The following KRT24 variants were observed in gnomAD, a reference collection of about 807,000 sequenced individuals.
KRT24 encodes keratin, type I cytoskeletal 24.
KRT24 carries 44 observed loss-of-function variants against 51.7 expected under a neutral mutation model. That is an observed-to-expected ratio of 0.85 (90% CI 0.67 to 1.09). The LOEUF is 1.09. Ranked by LOEUF, KRT24 falls within the 50% of genes least tolerant of loss-of-function variation. The pLI, the probability that KRT24 is intolerant of heterozygous loss-of-function variation, is 0.00. For missense variants in KRT24, 633 were observed against 647.0 expected (o/e 0.98, Z 0.24); for synonymous variants, 241 against 249.5 (o/e 0.97, Z 0.32).
intron 3 of KRT24, among the ~76,000 whole-genome samples, chr17:40,700,823 G>A (rs1386939304): frequency 1.3e-5 from 2 of 152,064 alleles, no homozygotes; most frequent in Admixed American, 6.6e-5. Flanking sequence ...GGCTGGTCTC[G>A]AAATCCTGAT....
intron 3 of KRT24, 104 bp from the exon 4 acceptor site, chr17:40,700,487 A>G: frequency 1.2e-6 from 1 of 806,942 alleles, no homozygotes; most frequent in Non-Finnish European, 2.0e-6. Context: ...CTGAAAGGAA[A>G]AAAAAAAAAT....
Position 40,698,643 on chromosome 17 carries a change from T to A in KRT24, c.1369A>T (p.Ser457Cys). The A allele has an allele frequency of 6.5e-7, 1 of 1,526,796 alleles. No individual in the cohort carries two copies. The highest frequency in any genetic ancestry group is 9.1e-7 in the Non-Finnish European group (1 of 1,102,056). The allele number at this position is 1,526,796 out of a possible 1,614,324, so 94.6% of individuals were successfully genotyped here. A position where few individuals can be genotyped will look rare whatever the true frequency, so the allele number is the denominator to read the frequency against. Residue 457 changes from serine to cysteine, a missense_variant, in exon 7 of 8, where the codon AGT (serine) becomes TGT (cysteine). Physicochemically the swap from Ser to Cys is moderately radical, Grantham distance 112. Transcript: ENST00000264651. ...RLLDGEGGGS[S>C]FAEFGGRNSG... The stretch of plus-strand genomic sequence containing the variant: ...TTTCTACCACCAAATTCTGCAAAAC[T>A]AGAACCACTGGAGAAAAAAAGAATT...
rs1470005442 is a variant in KRT24, at chr17:40,700,271, T to A, written c.968A>T (p.Glu323Val). 6.2e-7 allele frequency: 1 copy of A among 1,614,134 alleles called. No individual in the cohort carries two copies. Among genetic ancestry groups the A allele is most frequent in the East Asian group, 2.2e-5 (1 of 44,886 alleles). ...LLNDMRAQYEELAEQNRREAE... is the reference protein window; with the variant it reads ...LLNDMRAQYEVLAEQNRREAE... ...CTCTCGGCGGTTTTGCTCAGCCAGC[T>A]CCTCGTACTGCGCCCTCATGTCATT... The change falls in exon 4 of 8, where the codon GAG (glutamate) becomes GTG (valine). Residue 323 changes from glutamate to valine, a missense_variant. By Grantham distance (121) the Glu-to-Val change is moderately radical (BLOSUM62 -2). Coordinates refer to ENST00000264651, the MANE Select transcript of KRT24 (RefSeq NM_019016.3).
chr17:40,701,228 T>C lies in KRT24; in HGVS notation c.767A>G (p.Asp256Gly), dbSNP rs2037673413. The change falls in exon 3 of 8, where the codon GAT becomes GGT. Residue 256 changes from aspartate (D) to glycine (G), a missense_variant. Coordinates refer to ENST00000264651, the MANE Select transcript of KRT24 (RefSeq NM_019016.3). ...GTCAGAGCGGGTCATAGTCAGGTCA[T>C]CCAGGACTTTCCGCAGGCCATTGAT... ...ADINGLRKVL[D>G]DLTMTRSDLE... 42 of 1,614,068 alleles carry C rather than the reference T, an allele frequency of 2.6e-5. No homozygotes were observed. The highest frequency in any genetic ancestry group is 3.6e-5 in the Non-Finnish European group (42 of 1,179,978).
chr17:40,703,545 C>T lies in KRT24; in HGVS notation c.149G>A (p.Cys50Tyr). The change falls in exon 1 of 8, where the codon TGC (cysteine) becomes TAC (tyrosine). Residue 50 changes from cysteine (C) to tyrosine (Y), a missense_variant. Transcript: ENST00000264651. ...AQGFRGGASS[C>Y]SLSGGSSGAF... ...ACCGCTAGACCCCCCACTCAGGCTG[C>T]AGCTGCTGGCTCCTCCTCGGAAGCC... The T allele has an allele frequency of 6.2e-7, 1 of 1,606,942 alleles. No homozygotes were observed. Among genetic ancestry groups the T allele is most frequent in the South Asian group, 1.1e-5 (1 of 90,728 alleles).
intron 3 of KRT24, 125 bp from the exon 4 acceptor site, chr17:40,700,508 T>A: frequency 1.4e-6 from 1 of 697,912 alleles, no homozygotes; most frequent in Admixed American, 2.4e-5. Context: ...CAAATCTAGG[T>A]ATAATTTACT....
Position 40,701,156 on chromosome 17 carries a change from C to G in KRT24, c.839G>C (p.Arg280Thr), listed in dbSNP as rs1462533893. Residue 280 changes from arginine (R) to threonine (T), a missense_variant, in exon 3 of 8, where the codon AGG (arginine) becomes ACG (threonine). Coordinates refer to ENST00000264651, the MANE Select transcript of KRT24 (RefSeq NM_019016.3). ...TGTTCCTACCTCCTCGTGGTTCTTCCTCAGGTAGGCTAGCTCCTCGGTGAA... is the reference window on the plus strand; with the variant it reads ...TGTTCCTACCTCCTCGTGGTTCTTCGTCAGGTAGGCTAGCTCCTCGGTGAA... ...ESFTEELAYL[R>T]KNHEEEMKNM... 5 of 1,613,710 alleles carry G rather than the reference C, an allele frequency of 3.1e-6. No individual in the cohort carries two copies. The highest frequency in any genetic ancestry group is 4.2e-6 in the Non-Finnish European group (5 of 1,179,878).
rs775318251 is a variant in KRT24, at chr17:40,698,215, CTT to C, written c.*20_*21del. 1 of 1,463,152 alleles carries C rather than the reference CTT, an allele frequency of 6.8e-7. No individual in the cohort carries two copies. Among genetic ancestry groups the C allele is most frequent in the Non-Finnish European group, 9.6e-7 (1 of 1,044,524 alleles). 90.6% of individuals were successfully genotyped at this position (1,463,152 alleles called of 1,614,324 possible). The stretch of plus-strand genomic sequence containing the variant: ...TTGATTTTTTTTTCTTTGAAAGACA[CTT>C]TTGTTGATCTGGAAGTTCCTTATTT... On this transcript the variant is annotated 3_prime_UTR_variant, in exon 8 of 8. Transcript: ENST00000264651.
rs1453719029 is a variant in KRT24 at position 40,698,326 on chromosome 17, T to C, written c.1489A>G (p.Arg497Gly). ...SGQGRDSSKT[R>G]VTKTIVEELV... The stretch of plus-strand genomic sequence containing the variant: ...TCCTCTACGATAGTCTTAGTCACTC[T>C]AGTCTTGCTTGAATCTGAAAATCAT... Residue 497 changes from arginine to glycine, a missense_variant, in exon 8 of 8, where the codon AGA (arginine) becomes GGA (glycine). Physicochemically the swap from Arg to Gly is moderately radical, Grantham distance 125 (BLOSUM62 -2). Transcript: ENST00000264651. 2.1e-5 allele frequency: 33 copies of C among 1,609,218 alleles called. No homozygotes were observed. The highest frequency in any genetic ancestry group is 2.5e-5 in the Non-Finnish European group (29 of 1,175,658).
At chr17:40,701,764 TATATATA>T (rs2037683453) in intron 2 of KRT24, 80 bp downstream of exon 2, 3 of 42,468 alleles carry the variant, frequency 7.1e-5, no homozygotes, top group African/African-American at 4.4e-4. Flanking sequence ...TATATATATA[TATATATA>T]TATATATATT....
At chr17:40,699,733 T>C in intron 5 of KRT24, 72 bp from the exon 6 acceptor site, 1 of 1,334,996 alleles carries the variant, frequency 7.5e-7, no homozygotes, top group Non-Finnish European at 1.1e-6. Flanking sequence ...AATGCAATTT[T>C]ATGTGGCACT....
At chr17:40,699,902 G>A in intron 5 of KRT24, 96 bp downstream of exon 5, 4 of 1,474,292 alleles carry the variant, frequency 2.7e-6, no homozygotes, top group Non-Finnish European at 2.8e-6. Flanking sequence ...CCTTAACACT[G>A]CCTTTTTTAT....
At chr17:40,699,380 T>G in intron 6 of KRT24, 64 bp downstream of exon 6, 1 of 1,290,810 alleles carries the variant, frequency 7.7e-7, no homozygotes, top group Non-Finnish European at 1.1e-6. Context: ...CTGAGTCCCA[T>G]TTTGGTTTTA....
chr17:40,702,773 A>G (rs989519143), intron 1 of KRT24, among the ~76,000 whole-genome samples: 1 of 152,210 alleles, frequency 6.6e-6, no homozygotes, highest in African/African-American at 2.4e-5. Flanking sequence ...TTCATCATAA[A>G]TAATTAGATT....
At chr17:40,700,182 G>T (rs1343484162) in intron 4 of KRT24, 40 bp downstream of exon 4, 2 of 1,613,932 alleles carry the variant, frequency 1.2e-6, no homozygotes, top group Admixed American at 3.3e-5. Context: ...AGCGGCTTGT[G>T]TGTGGCTACT....
Position 40,698,371 on chromosome 17 carries a change from G to A in KRT24, c.1475-31C>T, listed in dbSNP as rs561323656. On this transcript the variant is annotated intron_variant, in intron 7 of 7. Transcript: ENST00000264651. Reference sequence around the variant, plus strand: ...AATCATGGGATTGCAATGTCAGTCTGGAAACTCTCACAGAAACACAGAGCA... The same window carrying A: ...AATCATGGGATTGCAATGTCAGTCTAGAAACTCTCACAGAAACACAGAGCA... 4 of 1,416,244 alleles carry A rather than the reference G, an allele frequency of 2.8e-6. No homozygotes were observed. The East Asian group carries it at 9.1e-5, about 32-fold the overall frequency. 87.7% of individuals were successfully genotyped at this position (1,416,244 alleles called of 1,614,324 possible).
Position 40,703,450 on chromosome 17 carries a change from C to T in KRT24, c.244G>A (p.Gly82Ser), listed in dbSNP as rs2037707847. The T allele has an allele frequency of 6.3e-7, 1 of 1,594,718 alleles. No individual in the cohort carries two copies. Among genetic ancestry groups the T allele is most frequent in the Non-Finnish European group, 8.6e-7 (1 of 1,163,212 alleles). ...CCCCCACCAAATCCTGTCCCAGAGC[C>T]TGAAGCTCCCCCAAAACCACCCCCT... is the stretch of plus-strand genomic sequence containing the variant. ...SVGGGFGGAS[G>S]SGTGFGGGSS... The change falls in exon 1 of 8, where the codon GGC becomes AGC. Residue 82 changes from glycine (G) to serine (S), a missense_variant. Gly to Ser is a moderately conservative substitution (Grantham distance 56, BLOSUM62 0). Coordinates refer to ENST00000264651, the MANE Select transcript of KRT24 (RefSeq NM_019016.3).
At chr17:40,702,229 C>T (rs970166225) in intron 1 of KRT24, among the ~76,000 whole-genome samples, 6 of 151,860 alleles carry the variant, frequency 4.0e-5, no homozygotes, top group Admixed American at 6.6e-5. Context: ...TTAGTAGACA[C>T]GGGGTTTCAC....
Position 40,701,303 on chromosome 17 carries a change from G to A in KRT24, c.699-7C>T, listed in dbSNP as rs1221235072. On this transcript the variant is annotated splice_polypyrimidine_tract_variant and splice_region_variant and intron_variant, in intron 2 of 7. Coordinates refer to ENST00000264651, the MANE Select transcript of KRT24 (RefSeq NM_019016.3). ...ACACAGCTCGTTCTCATACCTGGAAGGGGCAGCAGTAAGGCAAAAAATACT... is the reference window on the plus strand; with the variant it reads ...ACACAGCTCGTTCTCATACCTGGAAAGGGCAGCAGTAAGGCAAAAAATACT... 1.2e-6 allele frequency: 2 copies of A among 1,611,046 alleles called. No individual in the cohort carries two copies. Among genetic ancestry groups the A allele is most frequent in the Non-Finnish European group, 1.7e-6 (2 of 1,178,632 alleles).
Sources: gnomAD v4.1 joint callset for allele counts (sites outside exome capture counted in the v4.1 genomes callset) on GRCh38, gnomAD v4.1.1 for gene constraint, MANE v1.5 for transcripts, NCBI Gene and HGNC (gene_info 2026-07-23, HGNC 2026-07-21) for gene names.